ADAM12: variants seen among roughly 807,000 people sequenced by gnomAD.
ADAM12 encodes ADAM metallopeptidase domain 12, also known as disintegrin and metalloproteinase domain-containing protein 12.
Under a neutral mutation model 106.4 loss-of-function variants are expected in ADAM12, and 70 were observed. That is an observed-to-expected ratio of 0.66 (90% CI 0.54 to 0.80). The LOEUF (loss-of-function observed/expected upper bound fraction) is 0.80, where lower values mean the gene tolerates loss of function less well. Ranked by LOEUF, ADAM12 falls within the 30% of genes least tolerant of loss-of-function variation. The probability of loss-of-function intolerance (pLI) is 0.00; values close to 1 mark genes in which losing one functional copy is unlikely to be tolerated. For synonymous variants in ADAM12, 420 were observed against 433.5 expected, an observed-to-expected ratio of 0.97 and a Z score of 0.39; for missense variants, 1,010 against 1,171.9, an observed-to-expected ratio of 0.86 and a Z score of 2.02.
chr10:126,147,814 T>C (rs1362667868), intron 4 of ADAM12, among the ~76,000 whole-genome samples: 2 of 152,252 alleles, frequency 1.3e-5, no homozygotes, highest in African/African-American at 2.4e-5. Context: ...TGGGCTCCCT[T>C]GTCTGTTTTT....
chr10:126,034,628 T>G (rs936327356), intron 21 of ADAM12, among the ~76,000 whole-genome samples: 3 of 152,152 alleles, frequency 2.0e-5, no homozygotes, highest in Non-Finnish European at 4.4e-5. Flanking sequence ...AGTGACTGGC[T>G]AAATGGATGA....
At chr10:126,077,991 C>G (rs928814457) in intron 11 of ADAM12, among the ~76,000 whole-genome samples, 5 of 152,164 alleles carry the variant, frequency 3.3e-5, no homozygotes, top group African/African-American at 1.2e-4. Context: ...TACTTCAAAT[C>G]TTAAGAGATA....
At chr10:126,313,616 C>T (rs562257832) in intron 2 of ADAM12, among the ~76,000 whole-genome samples, 1 of 151,962 alleles carries the variant, frequency 6.6e-6, no homozygotes, top group African/African-American at 2.4e-5. Context: ...TCCATCTGTC[C>T]ATCTGTCCAT....
intron 2 of ADAM12, among the ~76,000 whole-genome samples, chr10:126,306,777 T>C (rs1960864022): frequency 6.6e-6 from 1 of 152,242 alleles, no homozygotes; most frequent in African/African-American, 2.4e-5. Flanking sequence ...TTCCTCTGAA[T>C]GTTTAATAGA....
At chr10:126,218,562 T>G (rs1384848966) in intron 3 of ADAM12, among the ~76,000 whole-genome samples, 1 of 152,172 alleles carries the variant, frequency 6.6e-6, no homozygotes, top group African/African-American at 2.4e-5. Context: ...GCAGAACAGA[T>G]GGCAAAACCT....
chr10:126,150,414 T>C (rs769507361), intron 4 of ADAM12, among the ~76,000 whole-genome samples: 6 of 152,226 alleles, frequency 3.9e-5, no homozygotes, highest in Non-Finnish European at 1.5e-5. Context: ...AGAAGACCTT[T>C]ACTTGGCTGT....
chr10:126,241,903 C>T (rs1958532095), intron 3 of ADAM12, among the ~76,000 whole-genome samples: 1 of 151,156 alleles, frequency 6.6e-6, no homozygotes, highest in African/African-American at 2.4e-5. Flanking sequence ...TTTATAAATG[C>T]TATTTGGAAT....
chr10:126,202,564 T>C (rs530868261), intron 3 of ADAM12, among the ~76,000 whole-genome samples: 4 of 152,300 alleles, frequency 2.6e-5, no homozygotes, highest in South Asian at 2.1e-4. Context: ...GTCAGAATAA[T>C]TGCTGCAGTG....
chr10:126,241,243 A>T lies in ADAM12; in HGVS notation c.260+37672T>A, dbSNP rs1246388087. Among the ~76,000 whole-genome samples the T allele has an allele frequency of 3.9e-5, 6 of 152,206 alleles. No individual in the cohort carries two copies. The South Asian group carries it at 1.2e-3, about 32-fold the overall frequency. ...ATGGGCAAACGGAGAATAGGAAGTGACTTTAACAGGTTTGGGGGTTGTTTT... is the reference window on the plus strand; with the variant it reads ...ATGGGCAAACGGAGAATAGGAAGTGTCTTTAACAGGTTTGGGGGTTGTTTT... On this transcript the variant is annotated intron_variant, in intron 3 of 22. Transcript: ENST00000448723.
chr10:126,083,065 C>A (rs568037180), intron 11 of ADAM12, among the ~76,000 whole-genome samples: 1 of 152,328 alleles, frequency 6.6e-6, no homozygotes, highest in South Asian at 2.1e-4. Flanking sequence ...ATGTTCAGTG[C>A]CGTGGCAGGC....
chr10:126,332,475 G>A (rs1259331968), intron 1 of ADAM12, among the ~76,000 whole-genome samples: 5 of 152,178 alleles, frequency 3.3e-5, no homozygotes, highest in Admixed American at 3.3e-4. Flanking sequence ...CAGGACCACA[G>A]CAACTCTGCT....
At chr10:126,277,098 A>C (rs1959290929) in intron 3 of ADAM12, among the ~76,000 whole-genome samples, 1 of 152,214 alleles carries the variant, frequency 6.6e-6, no homozygotes, top group African/African-American at 2.4e-5. Flanking sequence ...AAAAGAAACA[A>C]AGGCTTATTT....
chr10:126,206,860 C>CCGGG (rs1957806969), intron 3 of ADAM12, among the ~76,000 whole-genome samples: 7 of 97,832 alleles, frequency 7.2e-5, no homozygotes, highest in Non-Finnish European at 1.3e-4. Context: ...GTTGTGGGGG[C>CCGGG]GGGGGGGAGC....
chr10:126,332,778 G>GGA (rs200337739), intron 1 of ADAM12, among the ~76,000 whole-genome samples: 1,621 of 152,270 alleles, frequency 0.011, 40 homozygotes, highest in African/African-American at 0.038. Flanking sequence ...GATGTGTGAG[G>GGA]GACGCATCGG....
At chr10:126,044,787 GTA>G (rs992791919) in intron 17 of ADAM12, among the ~76,000 whole-genome samples, 1 of 152,200 alleles carries the variant, frequency 6.6e-6, no homozygotes, top group African/African-American at 2.4e-5. Flanking sequence ...CAGAAATTGA[GTA>G]GAACTTGTCA....
chr10:126,185,521 G>A (rs1408729092), intron 3 of ADAM12, among the ~76,000 whole-genome samples: 1 of 151,906 alleles, frequency 6.6e-6, no homozygotes, highest in Non-Finnish European at 1.5e-5. Context: ...TTTTTAGAAA[G>A]TACATAATGG....
rs138673474 is a variant in ADAM12 at position 126,144,294 on chromosome 10, C to T, written c.340-8634G>A. Among the ~76,000 whole-genome samples the T allele has an allele frequency of 3.4e-3, 522 of 152,262 alleles. 4 individuals carry two copies. The highest frequency in any genetic ancestry group is 0.027 in the Middle Eastern group (8 of 294). On this transcript the variant is annotated intron_variant, in intron 4 of 22. Coordinates refer to ENST00000448723, the MANE Select transcript of ADAM12 (RefSeq NM_001288973.2). ...TCAGTTTTTAATCTGTATAATGGGA[C>T]GGGCACTTAGTTGTCCAGAGTTTTG...
intron 2 of ADAM12, among the ~76,000 whole-genome samples, chr10:126,298,938 T>C (rs1247997245): frequency 1.3e-5 from 2 of 152,108 alleles, no homozygotes; most frequent in African/African-American, 4.8e-5. Flanking sequence ...AAAGGTGAAA[T>C]AAAGATATTT....
At chr10:126,052,299 C>T (rs1180957134) in intron 14 of ADAM12, among the ~76,000 whole-genome samples, 1 of 152,184 alleles carries the variant, frequency 6.6e-6, no homozygotes, top group Non-Finnish European at 1.5e-5. Flanking sequence ...TGCTTCTTTC[C>T]CTACTTCATA....
Sources: gnomAD v4.1 joint callset for allele counts (sites outside exome capture counted in the v4.1 genomes callset) on GRCh38, gnomAD v4.1.1 for gene constraint, MANE v1.5 for transcripts, NCBI Gene and HGNC (gene_info 2026-07-23, HGNC 2026-07-21) for gene names.